ZSWIM6: variants seen among roughly 807,000 people sequenced by gnomAD.
The protein encoded by ZSWIM6 is zinc finger SWIM-type containing 6.
In ZSWIM6, 9 loss-of-function variants were observed where a neutral mutation model predicts 113.2. The ratio of observed to expected loss-of-function variants is 0.08; its 90% CI spans 0.05 to 0.14. ZSWIM6 has a LOEUF of 0.14. ZSWIM6 is among the 10% of genes least tolerant of loss of function. The pLI is 1.00. For synonymous variants in ZSWIM6, 611 were observed against 606.5 expected, an observed-to-expected ratio of 1.01 and a Z score of -0.11; for missense variants, 1,162 against 1,552.2, an observed-to-expected ratio of 0.75 and a Z score of 4.22.
chr5:61,458,499 T>C (rs1228660813), intron 1 of ZSWIM6, among the ~76,000 whole-genome samples: 1 of 152,224 alleles, frequency 6.6e-6, no homozygotes, highest in Non-Finnish European at 1.5e-5. Context: ...TCAGATTCTC[T>C]AGTGATCTAC....
chr5:61,502,582 G>A (rs1748502072), intron 4 of ZSWIM6, among the ~76,000 whole-genome samples: 1 of 152,184 alleles, frequency 6.6e-6, no homozygotes. Context: ...ACTATCTTCA[G>A]TAGGCTTTTA....
At chr5:61,470,630 A>G (rs1286164410) in intron 1 of ZSWIM6, among the ~76,000 whole-genome samples, 2 of 152,098 alleles carry the variant, frequency 1.3e-5, no homozygotes, top group African/African-American at 2.4e-5. Flanking sequence ...TTTCAGAAAA[A>G]GTTGTTGATT....
At chr5:61,345,734 C>T (rs1744644308) in intron 1 of ZSWIM6, among the ~76,000 whole-genome samples, 1 of 152,088 alleles carries the variant, frequency 6.6e-6, no homozygotes. Flanking sequence ...GATCTGACAC[C>T]CTTCTTAAGG....
At position 61,355,686 on chromosome 5, in the gene ZSWIM6, A is replaced by G. The variant is rs142052536; in HGVS notation, c.676+22738A>G. Reference sequence around the variant, plus strand: ...GAGACTGGCAAATTTTAATTCATCTATAATTTTGCTGTCTGATGTGGTAGC... The same window carrying G: ...GAGACTGGCAAATTTTAATTCATCTGTAATTTTGCTGTCTGATGTGGTAGC... On this transcript the variant is annotated intron_variant, in intron 1 of 13. Coordinates refer to ENST00000252744, the MANE Select transcript of ZSWIM6 (RefSeq NM_020928.2). Among the ~76,000 whole-genome samples the G allele has an allele frequency of 2.2e-3, 328 of 152,348 alleles. 1 individual carries two copies. The highest frequency in any genetic ancestry group is 6.9e-3 in the African/African-American group (288 of 41,588).
At chr5:61,461,830 C>G (rs934171944) in intron 1 of ZSWIM6, among the ~76,000 whole-genome samples, 1 of 152,128 alleles carries the variant, frequency 6.6e-6, no homozygotes, top group East Asian at 1.9e-4. Context: ...AAAATATTAC[C>G]TGTAATTACA....
intron 1 of ZSWIM6, among the ~76,000 whole-genome samples, chr5:61,369,385 G>A (rs1745220128): frequency 1.3e-5 from 2 of 152,074 alleles, no homozygotes; most frequent in Admixed American, 1.3e-4. Context: ...ACATTCTTTC[G>A]ACATGTCCCA....
At chr5:61,447,544 C>A (rs1746987552) in intron 1 of ZSWIM6, among the ~76,000 whole-genome samples, 1 of 152,092 alleles carries the variant, frequency 6.6e-6, no homozygotes, top group African/African-American at 2.4e-5. Flanking sequence ...ATTTCAAAGG[C>A]TGTTTTTTTC....
intron 1 of ZSWIM6, among the ~76,000 whole-genome samples, chr5:61,387,917 G>C (rs1460241085): frequency 6.7e-6 from 1 of 148,966 alleles, no homozygotes; most frequent in Non-Finnish European, 1.5e-5. Context: ...TCTTTGAGGG[G>C]GGGAGAAAAG....
intron 2 of ZSWIM6, among the ~76,000 whole-genome samples, chr5:61,473,582 C>T (rs900956975): frequency 6.6e-5 from 10 of 151,994 alleles, no homozygotes; most frequent in South Asian, 2.1e-4. Flanking sequence ...TATTTGTGAA[C>T]GTATTTATCG....
intron 1 of ZSWIM6, among the ~76,000 whole-genome samples, chr5:61,402,856 A>G (rs1331663031): frequency 6.6e-6 from 1 of 152,214 alleles, no homozygotes; most frequent in East Asian, 1.9e-4. Context: ...GTTGAACCTT[A>G]TATCTAAATG....
chr5:61,464,185 T>TA (rs1191719425), intron 1 of ZSWIM6, among the ~76,000 whole-genome samples: 1 of 127,260 alleles, frequency 7.9e-6, no homozygotes, highest in African/African-American at 3.1e-5. Context: ...TTTTTTTTTT[T>TA]TTTTTTGCAT....
Position 61,494,316 on chromosome 5 carries a change from A to T in ZSWIM6, c.1239A>T (p.Ile413=). Residue 413 remains isoleucine (I), a synonymous_variant, in exon 4 of 14, where the codon ATA becomes ATT. Coordinates refer to ENST00000252744, the MANE Select transcript of ZSWIM6 (RefSeq NM_020928.2). ...ATGGGGCCCGCATGTTGACCTTGAT[A>T]ACAGAGCAATTCATGGCTGACCCTC... ...DSNGARMLTL[I]TEQFMADPRL... is the part of the protein sequence containing the mutation. 6.4e-7 allele frequency: 1 copy of T among 1,551,170 alleles called. No individual in the cohort carries two copies. The highest frequency in any genetic ancestry group is 8.7e-7 in the Non-Finnish European group (1 of 1,146,596).
intron 1 of ZSWIM6, among the ~76,000 whole-genome samples, chr5:61,431,486 C>G (rs960426041): frequency 1.3e-5 from 2 of 151,754 alleles, no homozygotes; most frequent in African/African-American, 4.8e-5. Context: ...TAGCTCACCC[C>G]TGAAATCCCA....
intron 3 of ZSWIM6, among the ~76,000 whole-genome samples, 179 bp from the exon 4 acceptor site, chr5:61,494,080 AG>A (rs1160422527): frequency 6.6e-6 from 1 of 151,884 alleles, no homozygotes; most frequent in African/African-American, 2.4e-5. Flanking sequence ...TTTGCTTAAG[AG>A]GGCTGGTGTG....
intron 1 of ZSWIM6, among the ~76,000 whole-genome samples, chr5:61,357,567 C>G (rs1455373410): frequency 6.6e-6 from 1 of 151,300 alleles, no homozygotes; most frequent in Non-Finnish European, 1.5e-5. Context: ...AGAGAAAAGC[C>G]AGCTGATCTA....
At chr5:61,404,070 C>T (rs528985180) in intron 1 of ZSWIM6, among the ~76,000 whole-genome samples, 1 of 151,224 alleles carries the variant, frequency 6.6e-6, no homozygotes, top group East Asian at 2.0e-4. Context: ...TGCAGTGGCG[C>T]GATCTTGGCT....
intron 4 of ZSWIM6, among the ~76,000 whole-genome samples, chr5:61,503,905 T>A (rs187518570): frequency 1.4e-4 from 22 of 152,316 alleles, no homozygotes; most frequent in African/African-American, 5.3e-4. Context: ...CTTAATCTTC[T>A]TTTTATTCCT....
intron 12 of ZSWIM6, among the ~76,000 whole-genome samples, chr5:61,540,916 GTTTTT>G (rs34749703): frequency 2.1e-5 from 2 of 94,580 alleles, no homozygotes; most frequent in East Asian, 2.6e-4. Context: ...TATTTTGTGG[GTTTTT>G]TTTTTTTTTT....
At chr5:61,364,894 G>A (rs1051123721) in intron 1 of ZSWIM6, among the ~76,000 whole-genome samples, 7 of 152,164 alleles carry the variant, frequency 4.6e-5, no homozygotes, top group African/African-American at 1.7e-4. Flanking sequence ...TCAGACCATA[G>A]CATTTAATGT....
Sources: gnomAD v4.1 joint callset for allele counts (sites outside exome capture counted in the v4.1 genomes callset) on GRCh38, gnomAD v4.1.1 for gene constraint, MANE v1.5 for transcripts, NCBI Gene and HGNC (gene_info 2026-07-23, HGNC 2026-07-21) for gene names.